Variants in SNX24 observed in about 807,000 individuals in gnomAD.
SNX24 encodes sorting nexin 24.
SNX24 carries 22 observed loss-of-function variants against 28.7 expected under a neutral mutation model. The ratio of observed to expected loss-of-function variants is 0.77; its 90% CI spans 0.55 to 1.10. The LOEUF (loss-of-function observed/expected upper bound fraction) is 1.10, where lower values mean the gene tolerates loss of function less well. Ranked by LOEUF, SNX24 falls within the 50% of genes least tolerant of loss-of-function variation. The pLI is 0.00. For synonymous variants in SNX24, 69 were observed against 71.5 expected, an observed-to-expected ratio of 0.96 and a Z score of 0.18; for missense variants, 221 against 201.1, an observed-to-expected ratio of 1.10 and a Z score of -0.60.
intron 5 of SNX24, chr5:123,022,914 C>T (rs1468521224): frequency 1.3e-5 from 2 of 152,466 alleles, no homozygotes. Flanking sequence ...AGCAATCCTC[C>T]CACCTCAGCC....
intron 1 of SNX24, among the ~76,000 whole-genome samples, chr5:122,860,000 A>G (rs919867082): frequency 6.6e-6 from 1 of 152,232 alleles, no homozygotes; most frequent in East Asian, 1.9e-4. Context: ...GGCTGCCCTT[A>G]GAGACAATAG....
intron 3 of SNX24, among the ~76,000 whole-genome samples, chr5:122,979,118 C>T (rs530879810): frequency 6.6e-6 from 1 of 152,304 alleles, no homozygotes; most frequent in African/African-American, 2.4e-5. Flanking sequence ...AGTACCCCCA[C>T]CATTTGCCCT....
At chr5:123,007,083 C>T (rs940239767) in intron 6 of SNX24, among the ~76,000 whole-genome samples, 32 of 152,156 alleles carry the variant, frequency 2.1e-4, no homozygotes, top group African/African-American at 7.7e-4. Context: ...ACATACTTTG[C>T]ACCCCTGGCC....
At chr5:122,898,562 C>G (rs1265364468) in intron 1 of SNX24, among the ~76,000 whole-genome samples, 3 of 152,106 alleles carry the variant, frequency 2.0e-5, no homozygotes, top group African/African-American at 7.2e-5. Flanking sequence ...CAGATTTTCT[C>G]CATCTTTGAG....
intron 1 of SNX24, among the ~76,000 whole-genome samples, chr5:122,846,017 G>A (rs1318092203): frequency 6.6e-6 from 1 of 152,178 alleles, no homozygotes; most frequent in Non-Finnish European, 1.5e-5. Flanking sequence ...TTCCTTTCTG[G>A]CACAGCTGCC....
At chr5:122,984,290 G>A (rs1189816236) in intron 3 of SNX24, among the ~76,000 whole-genome samples, 1 of 149,982 alleles carries the variant, frequency 6.7e-6, no homozygotes, top group African/African-American at 2.5e-5. Context: ...CTACAATACA[G>A]AAAAAAAAAA....
At chr5:122,939,161 A>G (rs1479989601) in intron 2 of SNX24, among the ~76,000 whole-genome samples, 1 of 152,166 alleles carries the variant, frequency 6.6e-6, no homozygotes, top group Non-Finnish European at 1.5e-5. Context: ...CTCGATTTCC[A>G]TATTTGAATC....
chr5:122,934,047 G>A (rs900899707), intron 1 of SNX24, among the ~76,000 whole-genome samples: 3 of 152,004 alleles, frequency 2.0e-5, no homozygotes, highest in Non-Finnish European at 4.4e-5. Flanking sequence ...CCCCCATAAA[G>A]GCTGACCTCT....
Position 123,007,912 on chromosome 5 carries a change from T to C in SNX24, c.*163T>C. 1 of 1,428,038 alleles carries C rather than the reference T, an allele frequency of 7.0e-7. No individual in the cohort carries two copies. The highest frequency in any genetic ancestry group is 1.5e-5 in the South Asian group (1 of 66,820). 88.5% of individuals were successfully genotyped at this position (1,428,038 alleles called of 1,614,324 possible). A position where few individuals can be genotyped will look rare whatever the true frequency, so the allele number is the denominator to read the frequency against. Reference sequence around the variant, plus strand: ...CAGGGCAGGGACATTTCCATTAGAATGGTGCTCTTAAAAATAGAAACTGAA... The same window carrying C: ...CAGGGCAGGGACATTTCCATTAGAACGGTGCTCTTAAAAATAGAAACTGAA... On this transcript the variant is annotated 3_prime_UTR_variant, in exon 7 of 7. Transcript: ENST00000261369.
rs1762509306 is a variant in SNX24, at chr5:123,009,130, T to G, written c.*1381T>G. ...AAATGTTGTCAACCAAAAGTAATAG[T>G]TGGGTATTGGAGATTTTTTTAAAAT... On this transcript the variant is annotated 3_prime_UTR_variant, in exon 7 of 7. Transcript: ENST00000261369. The G allele has an allele frequency of 2.0e-6, 2 of 985,026 alleles. No homozygotes were observed. The highest frequency in any genetic ancestry group is 2.4e-6 in the Non-Finnish European group (2 of 829,286). The allele number at this position is 985,026 out of a possible 1,614,324, so 61.0% of individuals were successfully genotyped here.
chr5:122,946,047 C>G lies in SNX24; in HGVS notation c.145-8C>G. 1 of 1,362,218 alleles carries G rather than the reference C, an allele frequency of 7.3e-7. No individual in the cohort carries two copies. Among genetic ancestry groups the G allele is most frequent in the Non-Finnish European group, 1.0e-6 (1 of 989,910 alleles). 84.4% of individuals were successfully genotyped at this position (1,362,218 alleles called of 1,614,324 possible). On this transcript the variant is annotated splice_polypyrimidine_tract_variant and splice_region_variant and intron_variant, in intron 2 of 6. Coordinates refer to ENST00000261369, the MANE Select transcript of SNX24 (RefSeq NM_014035.4). ...TTTTCTTTTTCTTTTCCTATTCTGT[C>G]TTTATAGCTTAAGAAATGTATAAAA...
At chr5:122,944,167 C>A in intron 2 of SNX24, among the ~76,000 whole-genome samples, 1 of 152,204 alleles carries the variant, frequency 6.6e-6, no homozygotes, top group African/African-American at 2.4e-5. Flanking sequence ...GTTCCAGGCT[C>A]CTTGTGTCTC....
At chr5:122,987,275 C>G (rs919786268) in intron 3 of SNX24, among the ~76,000 whole-genome samples, 1 of 152,090 alleles carries the variant, frequency 6.6e-6, no homozygotes, top group Non-Finnish European at 1.5e-5. Flanking sequence ...TCAGTAGCTT[C>G]GGCATCACCT....
chr5:122,882,089 T>C (rs907240753), intron 1 of SNX24, among the ~76,000 whole-genome samples: 3 of 151,932 alleles, frequency 2.0e-5, no homozygotes, highest in African/African-American at 4.8e-5. Flanking sequence ...TAGCTAGGAA[T>C]ATAGGTGCTT....
At chr5:122,860,185 A>G (rs997915375) in intron 1 of SNX24, among the ~76,000 whole-genome samples, 1 of 152,196 alleles carries the variant, frequency 6.6e-6, no homozygotes, top group Non-Finnish European at 1.5e-5. Context: ...TTTCAGGGTA[A>G]AATATTTTGA....
chr5:122,848,280 G>C (rs1475763644), intron 1 of SNX24, among the ~76,000 whole-genome samples: 2 of 152,098 alleles, frequency 1.3e-5, no homozygotes, highest in African/African-American at 4.8e-5. Context: ...ATTTTTTGTA[G>C]AGATGGGATC....
intron 1 of SNX24, among the ~76,000 whole-genome samples, chr5:122,861,878 T>C (rs1370422230): frequency 2.0e-5 from 3 of 152,210 alleles, no homozygotes; most frequent in Non-Finnish European, 2.9e-5. Flanking sequence ...CTTCTCTCTT[T>C]ACACCCTCAC....
intron 1 of SNX24, among the ~76,000 whole-genome samples, chr5:122,901,523 A>T (rs191435017): frequency 1.9e-3 from 295 of 152,336 alleles, no homozygotes; most frequent in Non-Finnish European, 3.1e-3. Flanking sequence ...CGGGGCTGGT[A>T]TGCAGGAGGT....
chr5:123,005,648 G>T (rs1762398847), intron 6 of SNX24, among the ~76,000 whole-genome samples: 1 of 152,108 alleles, frequency 6.6e-6, no homozygotes, highest in Non-Finnish European at 1.5e-5. Flanking sequence ...ATTGTGAGTG[G>T]CAAAGAATAA....
Sources: gnomAD v4.1 joint callset for allele counts (sites outside exome capture counted in the v4.1 genomes callset) on GRCh38, gnomAD v4.1.1 for gene constraint, MANE v1.5 for transcripts, NCBI Gene and HGNC (gene_info 2026-07-23, HGNC 2026-07-21) for gene names.